The following RADIL variants were observed in gnomAD, a reference collection of about 807,000 sequenced individuals.
RADIL encodes the protein Rap associating with DIL domain.
In RADIL, 99 loss-of-function variants were observed where a neutral mutation model predicts 97.6. The ratio of observed to expected loss-of-function variants is 1.01; its 90% CI spans 0.86 to 1.20. The LOEUF (loss-of-function observed/expected upper bound fraction) is 1.20, where lower values mean the gene tolerates loss of function less well. Ranked by LOEUF, RADIL falls within the 50% of genes most tolerant of loss-of-function variation. The pLI is 0.00. For synonymous variants in RADIL, 803 were observed against 691.8 expected (o/e 1.16, Z -2.52); for missense variants, 1,765 against 1,498.9 (o/e 1.18, Z -2.93).
In RADIL at chr7:4,835,521, G is replaced by A. The variant is rs184644246; in HGVS notation, c.784-282C>T. Among the ~76,000 whole-genome samples the A allele has an allele frequency of 1.3e-5, 2 of 152,278 alleles. No individual in the cohort carries two copies. The highest frequency in any genetic ancestry group is 1.9e-4 in the East Asian group (1 of 5,160). ...GCGACAGGCCAGGTCAGGGCTGGCC[G>A]GGAAACAGGCACTGGTTCTACAGAC... On this transcript the variant is annotated intron_variant, in intron 3 of 14. Transcript: ENST00000399583. This position sits in a 1 kb window ranked among gnomAD's most constrained non-coding sequence, Gnocchi z 5.8.
intron 2 of RADIL, among the ~76,000 whole-genome samples, chr7:4,838,857 G>A (rs573552404): frequency 6.6e-6 from 1 of 152,388 alleles, no homozygotes; most frequent in Admixed American, 6.5e-5. Context: ...GGCATGGCCA[G>A]TGTGGACAGC....
At position 4,817,454 on chromosome 7, in the gene RADIL, A is replaced by C; in HGVS notation, c.1616-103T>G. The C allele has an allele frequency of 7.7e-5, 73 of 947,232 alleles. No homozygotes were observed. The highest frequency in any genetic ancestry group is 1.0e-4 in the Non-Finnish European group (65 of 638,408). The allele number at this position is 947,232 out of a possible 1,614,324, so 58.7% of individuals were successfully genotyped here. ...CTTTCCCTGGCGCGGGCACCACCCA[A>C]CGCGCCCATCTGGGGTCCAGATGCG... On this transcript the variant is annotated intron_variant, in intron 6 of 14. Transcript: ENST00000399583. This position sits in a 1 kb window ranked among gnomAD's most constrained non-coding sequence, Gnocchi z 8.3.
chr7:4,852,498 G>C (rs915184131), intron 2 of RADIL, among the ~76,000 whole-genome samples: 2 of 152,158 alleles, frequency 1.3e-5, no homozygotes, highest in Non-Finnish European at 2.9e-5. Context: ...GCCCAGGCTG[G>C]AGTGCAGTGG....
At chr7:4,810,334 T>C (rs1457661337) in intron 9 of RADIL, among the ~76,000 whole-genome samples, 1 of 151,794 alleles carries the variant, frequency 6.6e-6, no homozygotes, top group Non-Finnish European at 1.5e-5. Flanking sequence ...AAAAAAAAAT[T>C]TATGTTTGGA....
At chr7:4,800,625 G>A (rs916336986) in intron 12 of RADIL, among the ~76,000 whole-genome samples, 4 of 152,066 alleles carry the variant, frequency 2.6e-5, no homozygotes, top group Non-Finnish European at 4.4e-5. Flanking sequence ...CACCTCCTCA[G>A]CAATCTCTGC....
In RADIL at chr7:4,815,509, T is replaced by A; in HGVS notation, c.1967-59A>T. On this transcript the variant is annotated intron_variant, in intron 8 of 14. Coordinates refer to ENST00000399583, the MANE Select transcript of RADIL (RefSeq NM_018059.5). The surrounding 1 kb of genome is among the most constrained non-coding windows in gnomAD (Gnocchi z 8.0). The stretch of plus-strand genomic sequence containing the variant: ...CTGCCCTCCTGGGGGGACACAGACA[T>A]GGGCCTGTCCCCAGAGCCTGCCCTT... 1 of 1,431,998 alleles carries A rather than the reference T, an allele frequency of 7.0e-7. No individual in the cohort carries two copies. 88.7% of individuals were successfully genotyped at this position (1,431,998 alleles called of 1,614,324 possible).
At chr7:4,831,208 A>G (rs1240873662) in intron 5 of RADIL, among the ~76,000 whole-genome samples, 1 of 151,636 alleles carries the variant, frequency 6.6e-6, no homozygotes, top group Non-Finnish European at 1.5e-5. Flanking sequence ...AGAAAAAAAA[A>G]AAAAAGCACG....
chr7:4,828,845 G>A (rs1215691798), intron 5 of RADIL, among the ~76,000 whole-genome samples: 1 of 152,244 alleles, frequency 6.6e-6, no homozygotes, highest in Non-Finnish European at 1.5e-5. Flanking sequence ...AGCTGCAGCA[G>A]GGAGGGCCCG....
chr7:4,877,293 A>G (rs560224310), intron 2 of RADIL, among the ~76,000 whole-genome samples: 1 of 152,164 alleles, frequency 6.6e-6, no homozygotes, highest in Non-Finnish European at 1.5e-5. Flanking sequence ...AAAGTAAAAA[A>G]TTAGCTGGGT....
At chr7:4,855,350 C>T (rs143242088) in intron 2 of RADIL, among the ~76,000 whole-genome samples, 4 of 152,098 alleles carry the variant, frequency 2.6e-5, no homozygotes, top group Admixed American at 6.5e-5. Flanking sequence ...GTTCTGGACA[C>T]GGCTGTGGTC....
Position 4,819,106 on chromosome 7 carries a change from C to T in RADIL, c.1616-1755G>A, listed in dbSNP as rs1316293730. On this transcript the variant is annotated intron_variant, in intron 6 of 14. Transcript: ENST00000399583. This position sits in a 1 kb window ranked among gnomAD's most constrained non-coding sequence, Gnocchi z 5.8. ...TTTTTTTTAAAGACAGAGTCTCACT[C>T]TGTCGCCCAGGCTGGAGTGCAATGA... Among the ~76,000 whole-genome samples the T allele has an allele frequency of 6.8e-6, 1 of 146,494 alleles. No homozygotes were observed. Among genetic ancestry groups the T allele is most frequent in the Non-Finnish European group, 1.5e-5 (1 of 67,022 alleles).
chr7:4,807,394 C>A (rs748393237), intron 9 of RADIL, among the ~76,000 whole-genome samples: 21 of 152,030 alleles, frequency 1.4e-4, no homozygotes, highest in Non-Finnish European at 2.4e-4. Flanking sequence ...TCTACTCTCA[C>A]TTCTGTGCTT....
intron 2 of RADIL, chr7:4,861,797 G>C (rs778906626): frequency 1.4e-6 from 2 of 1,423,528 alleles, no homozygotes; most frequent in African/African-American, 3.5e-5. Flanking sequence ...GGTTGTCACC[G>C]GAAACGGCAT....
In RADIL at chr7:4,822,423, T is replaced by G; in HGVS notation, c.1586A>C (p.Gln529Pro). Reference sequence around the variant, plus strand: ...GATGTCCAGCTGCTCCTCCATGCTCTGCATGTAGAGTGGGCATTTCTGCTG... The same window carrying G: ...GATGTCCAGCTGCTCCTCCATGCTCGGCATGTAGAGTGGGCATTTCTGCTG... ...FIQQKCPLYM[Q>P]SMEEQLDITG... Residue 529 changes from glutamine (Q) to proline (P), a missense_variant, in exon 6 of 15, where the codon CAG becomes CCG. Transcript: ENST00000399583. This position sits in a 1 kb window ranked among gnomAD's most constrained non-coding sequence, Gnocchi z 5.3. 1 of 1,612,774 alleles carries G rather than the reference T, an allele frequency of 6.2e-7. No homozygotes were observed. Among genetic ancestry groups the G allele is most frequent in the Non-Finnish European group, 8.5e-7 (1 of 1,179,890 alleles).
chr7:4,831,126 G>A (rs1365832534), intron 5 of RADIL, among the ~76,000 whole-genome samples: 10 of 151,732 alleles, frequency 6.6e-5, no homozygotes, highest in African/African-American at 2.4e-4. Context: ...GAGAGGTGGA[G>A]GTTGCCGTGA....
chr7:4,803,814 C>T (rs761856588), intron 10 of RADIL, 60 bp from the exon 11 acceptor site: 55 of 1,454,528 alleles, frequency 3.8e-5, no homozygotes, highest in Middle Eastern at 1.7e-4. Flanking sequence ...CTCGCCAGGC[C>T]GCCCCGCCCA....
chr7:4,856,151 G>A (rs750831457), intron 2 of RADIL, among the ~76,000 whole-genome samples: 1 of 150,938 alleles, frequency 6.6e-6, no homozygotes, highest in Non-Finnish European at 1.5e-5. Flanking sequence ...AGGCTGGAGC[G>A]CAGTGGCTTG....
chr7:4,842,072 G>A lies in RADIL; in HGVS notation c.536-5467C>T, dbSNP rs944361965. Among the ~76,000 whole-genome samples, 11 of 150,976 alleles carry A rather than the reference G, an allele frequency of 7.3e-5. No homozygotes were observed. Among genetic ancestry groups the A allele is most frequent in the Admixed American group, 1.3e-4 (2 of 15,182 alleles). On this transcript the variant is annotated intron_variant, in intron 2 of 14. Coordinates refer to ENST00000399583, the MANE Select transcript of RADIL (RefSeq NM_018059.5). This position sits in a 1 kb window ranked among gnomAD's most constrained non-coding sequence, Gnocchi z 4.5. ...CCTGTCTCCAAAAAAAAAAAAAGAT[G>A]CAACAAGGCCAGAGGCTGGAATAGC...
At position 4,836,395 on chromosome 7, in the gene RADIL, G is replaced by T; in HGVS notation, c.746C>A (p.Pro249Gln). The T allele has an allele frequency of 1.3e-6, 2 of 1,577,226 alleles. No homozygotes were observed. Reference protein sequence around the residue: ...DAMRYSLYQSPHLLLLQGYSQ... With the variant: ...DAMRYSLYQSQHLLLLQGYSQ... ...GTAGCCCTGCAGAAGGAGCAGATGC[G>T]GGGACTGGTACAGCGAGTACCGCAT... Residue 249 changes from proline (P) to glutamine (Q), a missense_variant, in exon 3 of 15, where the codon CCG (proline) becomes CAG (glutamine). By Grantham distance (76) the Pro-to-Gln change is moderately conservative. Transcript: ENST00000399583.
Sources: allele counts gnomAD v4.1 joint callset (sites outside exome capture counted in the v4.1 genomes callset), GRCh38; gene constraint gnomAD v4.1.1; non-coding constraint Gnocchi (gnomAD v3.1); transcripts MANE v1.5; gene names NCBI Gene and HGNC (gene_info 2026-07-23, HGNC 2026-07-21).